The following CLEC4A variants were observed in gnomAD, a reference collection of about 807,000 sequenced individuals.
CLEC4A encodes the protein C-type lectin domain family 4 member A.
Under a neutral mutation model 32.7 loss-of-function variants are expected in CLEC4A, and 27 were observed. The ratio of observed to expected loss-of-function variants is 0.83; its 90% CI spans 0.61 to 1.14. CLEC4A has a LOEUF of 1.14. Among genes scored for constraint, CLEC4A ranks in the 50% most tolerant of loss-of-function variants. The probability of loss-of-function intolerance (pLI) is 0.00; values close to 1 mark genes in which losing one functional copy is unlikely to be tolerated. For synonymous variants in CLEC4A, 89 were observed against 93.7 expected, an observed-to-expected ratio of 0.95 and a Z score of 0.29; for missense variants, 253 against 274.6, an observed-to-expected ratio of 0.92 and a Z score of 0.55.
intron 3 of CLEC4A, among the ~76,000 whole-genome samples, chr12:8,132,509 G>A (rs956100064): frequency 1.3e-5 from 2 of 152,038 alleles, no homozygotes; most frequent in African/African-American, 4.8e-5. Context: ...TGGAGAAAAC[G>A]ATATGATTTC....
intron 3 of CLEC4A, chr12:8,134,413 C>A: frequency 6.2e-7 from 1 of 1,613,872 alleles, no homozygotes. Context: ...GCAAATTGCT[C>A]GAGTTCTTTC....
the CLEC4A span, among the ~76,000 whole-genome samples, chr12:8,107,556 A>G: frequency 6.6e-6 from 1 of 152,110 alleles, no homozygotes; most frequent in Non-Finnish European, 1.5e-5. Flanking sequence ...CAGTTTCAGA[A>G]CTTGTTATTG....
chr12:8,124,518 C>A (rs1225978931), intron 1 of CLEC4A, among the ~76,000 whole-genome samples: 4 of 152,100 alleles, frequency 2.6e-5, no homozygotes, highest in Non-Finnish European at 5.9e-5. Context: ...AATCAGAGAA[C>A]CTATTGCGTG....
chr12:8,117,469 C>T, the CLEC4A span, among the ~76,000 whole-genome samples: 1 of 152,138 alleles, frequency 6.6e-6, no homozygotes, highest in Non-Finnish European at 1.5e-5. Flanking sequence ...AAATTCCTGA[C>T]CTCAGGTGAT....
At chr12:8,113,262 C>G in the CLEC4A span, among the ~76,000 whole-genome samples, 1 of 152,004 alleles carries the variant, frequency 6.6e-6, no homozygotes, top group African/African-American at 2.4e-5. Flanking sequence ...TGATGGTTAC[C>G]AGTTTCATCC....
At chr12:8,136,470 C>A (rs1948117678) in intron 4 of CLEC4A, among the ~76,000 whole-genome samples, 1 of 149,756 alleles carries the variant, frequency 6.7e-6, no homozygotes, top group South Asian at 2.1e-4. Flanking sequence ...GAGGCTGAGG[C>A]ATGAGAATCG....
At chr12:8,135,511 T>A (rs370869325) in intron 3 of CLEC4A, 74 bp from the exon 4 acceptor site, 2 of 1,505,136 alleles carry the variant, frequency 1.3e-6, no homozygotes. Context: ...CTCTTGGCTC[T>A]TAATTTTAAT....
the CLEC4A span, among the ~76,000 whole-genome samples, chr12:8,108,515 A>G: frequency 2.0e-5 from 3 of 152,248 alleles, no homozygotes; most frequent in Non-Finnish European, 4.4e-5. Context: ...GGAGTTCTCC[A>G]TCAATCACAT....
At position 8,134,836 on chromosome 12, in the gene CLEC4A, C is replaced by G. The variant is rs745551462; in HGVS notation, c.299-749C>G. On this transcript the variant is annotated intron_variant, in intron 3 of 5. Coordinates refer to ENST00000229332, the MANE Select transcript of CLEC4A (RefSeq NM_016184.4). The stretch of plus-strand genomic sequence containing the variant: ...GGGGGTGAGAAGGCGAAATCCGAAG[C>G]CAGGTGTCCCGCCATGGGGAAGGAA... 1.8e-4 allele frequency: 275 copies of G among 1,545,202 alleles called. 1 individual carries two copies. The highest frequency in any genetic ancestry group is 1.1e-3 in the Middle Eastern group (6 of 5,340).
chr12:8,135,042 A>ATTTTTTTTTTTTTTTTTTT (rs1948086797), intron 3 of CLEC4A, among the ~76,000 whole-genome samples: 1 of 7,432 alleles, frequency 1.3e-4, no homozygotes, highest in Non-Finnish European at 2.9e-4. Flanking sequence ...TAACAATTTT[A>ATTTTTTTTTTTTTTTTTTT]TTATCTTTTT....
chr12:8,110,103 CA>C, the CLEC4A span, among the ~76,000 whole-genome samples: 1 of 152,080 alleles, frequency 6.6e-6, no homozygotes, highest in Non-Finnish European at 1.5e-5. Context: ...TAAGAAACCC[CA>C]AACCAACTGT....
intron 4 of CLEC4A, among the ~76,000 whole-genome samples, chr12:8,136,185 A>G (rs1398453184): frequency 6.6e-6 from 1 of 152,234 alleles, no homozygotes; most frequent in Non-Finnish European, 1.5e-5. Context: ...AAATTTTCTC[A>G]TGTACAACTT....
chr12:8,115,593 G>T, the CLEC4A span, among the ~76,000 whole-genome samples: 1 of 152,120 alleles, frequency 6.6e-6, no homozygotes, highest in African/African-American at 2.4e-5. Flanking sequence ...AAAACGGTGA[G>T]ATGTTTAAGT....
chr12:8,112,210 C>G, the CLEC4A span, among the ~76,000 whole-genome samples: 1 of 152,070 alleles, frequency 6.6e-6, no homozygotes, highest in Non-Finnish European at 1.5e-5. Context: ...TCAGGTGATC[C>G]GCCCAGCTTG....
chr12:8,132,213 T>G (rs745471787), intron 3 of CLEC4A, among the ~76,000 whole-genome samples: 16 of 152,344 alleles, frequency 1.1e-4, no homozygotes, highest in African/African-American at 3.8e-4. Context: ...CCTCACTTTC[T>G]GGGACTGCAA....
the CLEC4A span, among the ~76,000 whole-genome samples, chr12:8,111,834 G>A: frequency 6.6e-6 from 1 of 151,710 alleles, no homozygotes; most frequent in East Asian, 1.9e-4. Context: ...CTTGGTGGGT[G>A]AAATGCGATT....
At chr12:8,103,508 C>G in the CLEC4A span, among the ~76,000 whole-genome samples, 1 of 151,320 alleles carries the variant, frequency 6.6e-6, no homozygotes, top group Non-Finnish European at 1.5e-5. Context: ...GCCTCAGCCT[C>G]CCGAGTAGCT....
At chr12:8,135,416 T>C (rs1948095049) in intron 3 of CLEC4A, among the ~76,000 whole-genome samples, 169 bp from the exon 4 acceptor site, 1 of 152,102 alleles carries the variant, frequency 6.6e-6, no homozygotes, top group African/African-American at 2.4e-5. Flanking sequence ...CTGATTGAGG[T>C]AGACTTGGCT....
chr12:8,112,650 A>G, the CLEC4A span, among the ~76,000 whole-genome samples: 1 of 150,794 alleles, frequency 6.6e-6, no homozygotes, highest in Non-Finnish European at 1.5e-5. Flanking sequence ...TGTTTTCCTT[A>G]TGGGCAATCC....
Sources: allele counts gnomAD v4.1 joint callset (sites outside exome capture counted in the v4.1 genomes callset), GRCh38; gene constraint gnomAD v4.1.1; transcripts MANE v1.5; gene names NCBI Gene and HGNC (gene_info 2026-07-23, HGNC 2026-07-21).